The following SNTG2 variants were observed in gnomAD, a reference collection of about 807,000 sequenced individuals.
SNTG2 encodes the protein gamma-2-syntrophin.
Under a neutral mutation model 70.9 loss-of-function variants are expected in SNTG2, and 74 were observed. That is an observed-to-expected ratio of 1.04 (90% CI 0.86 to 1.27). The LOEUF is 1.27. SNTG2 is among the 50% of genes most tolerant of loss of function. The probability of loss-of-function intolerance (pLI) is 0.00; values close to 1 mark genes in which losing one functional copy is unlikely to be tolerated. For missense variants in SNTG2, 717 were observed against 690.7 expected, an observed-to-expected ratio of 1.04 and a Z score of -0.43; for synonymous variants, 278 against 273.8, an observed-to-expected ratio of 1.02 and a Z score of -0.15.
intron 14 of SNTG2, among the ~76,000 whole-genome samples, chr2:1,273,313 C>G (rs10210677): frequency 2.9e-5 from 3 of 101,830 alleles, no homozygotes; most frequent in Non-Finnish European, 5.6e-5. Context: ...AGAAATTTTT[C>G]TGATAATTTC....
At position 1,154,908 on chromosome 2, in the gene SNTG2, T is replaced by C. The variant is rs138635486; in HGVS notation, c.412-10640T>C. On this transcript the variant is annotated intron_variant, in intron 6 of 16. Coordinates refer to ENST00000308624, the MANE Select transcript of SNTG2 (RefSeq NM_018968.4). ...CACACACACAAAGACACATACCACATACACACACACAACACAAAAACATAC... is the reference window on the plus strand; with the variant it reads ...CACACACACAAAGACACATACCACACACACACACACAACACAAAAACATAC... 2.2e-3 allele frequency among the ~76,000 whole-genome samples: 317 copies of C among 140,998 alleles called. 1 individual carries two copies. Among genetic ancestry groups the C allele is most frequent in the Middle Eastern group, 0.012 (3 of 256 alleles). 92.5% of individuals were successfully genotyped at this position (140,998 alleles called of 152,430 possible).
chr2:1,240,885 C>A (rs1438021870), intron 11 of SNTG2, among the ~76,000 whole-genome samples: 1 of 152,082 alleles, frequency 6.6e-6, no homozygotes, highest in African/African-American at 2.4e-5. Context: ...TCTATAAATT[C>A]TTCAAATTAA....
chr2:1,003,608 C>T (rs970595830), intron 1 of SNTG2, among the ~76,000 whole-genome samples: 1 of 152,132 alleles, frequency 6.6e-6, no homozygotes, highest in Non-Finnish European at 1.5e-5. Context: ...TCTGTCTTAC[C>T]TTGGGTGCAT....
At chr2:1,155,215 C>T (rs1029276046) in intron 6 of SNTG2, among the ~76,000 whole-genome samples, 1 of 146,374 alleles carries the variant, frequency 6.8e-6, no homozygotes, top group Non-Finnish European at 1.5e-5. Flanking sequence ...CCACACCACA[C>T]ACATAAACAC....
chr2:1,218,551 G>GC (rs1252207057), intron 9 of SNTG2, among the ~76,000 whole-genome samples: 2 of 152,242 alleles, frequency 1.3e-5, no homozygotes, highest in Non-Finnish European at 2.9e-5. Flanking sequence ...CCAGGCTCCT[G>GC]CCCATAGCAT....
At chr2:1,348,152 C>A (rs534421924) in intron 16 of SNTG2, among the ~76,000 whole-genome samples, 3 of 152,290 alleles carry the variant, frequency 2.0e-5, no homozygotes, top group South Asian at 4.1e-4. Flanking sequence ...AGCCACTGGA[C>A]CCTGCCTGGA....
chr2:1,019,442 G>C (rs560594432), intron 1 of SNTG2, among the ~76,000 whole-genome samples: 64 of 152,148 alleles, frequency 4.2e-4, no homozygotes, highest in Non-Finnish European at 6.2e-4. Flanking sequence ...CTGAGTGAGT[G>C]TTGTGGGAAG....
At chr2:1,210,097 C>T (rs2147995096) in intron 9 of SNTG2, among the ~76,000 whole-genome samples, 1 of 152,260 alleles carries the variant, frequency 6.6e-6, no homozygotes, top group East Asian at 1.9e-4. Flanking sequence ...GCAAACATTG[C>T]TTTTCATGAA....
intron 12 of SNTG2, among the ~76,000 whole-genome samples, chr2:1,254,478 A>G (rs759749517): frequency 3.9e-5 from 6 of 152,190 alleles, no homozygotes; most frequent in Non-Finnish European, 1.5e-5. Flanking sequence ...TTAATATATC[A>G]ATGATGTAGC....
At position 1,097,417 on chromosome 2, in the gene SNTG2, T is replaced by C. The variant is rs1665465280; in HGVS notation, c.211-779T>C. Among the ~76,000 whole-genome samples, 1 of 152,204 alleles carries C rather than the reference T, an allele frequency of 6.6e-6. No individual in the cohort carries two copies. Among genetic ancestry groups the C allele is most frequent in the African/African-American group, 2.4e-5 (1 of 41,458 alleles). The stretch of plus-strand genomic sequence containing the variant: ...AAAGAATGTCTGTCACTTCTGTTTT[T>C]CCTGTAGTGTATTTTTGAGGTAAAA... On this transcript the variant is annotated intron_variant, in intron 2 of 16. Transcript: ENST00000308624. The surrounding 1 kb of genome is among the most constrained non-coding windows in gnomAD (Gnocchi z 4.1).
chr2:1,219,795 T>C (rs1674633477), intron 9 of SNTG2: 1 of 151,926 alleles, frequency 6.6e-6, no homozygotes, highest in African/African-American at 2.4e-5. Flanking sequence ...AGCTTAGGGG[T>C]CTTTTTGCCC....
At chr2:1,298,690 G>A (rs973974441) in intron 14 of SNTG2, among the ~76,000 whole-genome samples, 1 of 152,172 alleles carries the variant, frequency 6.6e-6, no homozygotes, top group African/African-American at 2.4e-5. Flanking sequence ...TGTGATGGTT[G>A]ATACTGAGTG....
At chr2:971,497 A>G (rs1018551741) in intron 1 of SNTG2, among the ~76,000 whole-genome samples, 4 of 151,736 alleles carry the variant, frequency 2.6e-5, no homozygotes, top group Non-Finnish European at 4.4e-5. Context: ...GGTCAGTGGT[A>G]ATGTCTTTTT....
At chr2:1,067,756 A>G (rs1376785955) in intron 1 of SNTG2, among the ~76,000 whole-genome samples, 1 of 152,180 alleles carries the variant, frequency 6.6e-6, no homozygotes, top group African/African-American at 2.4e-5. Context: ...TATTTTTCAG[A>G]TGGAGAAACC....
chr2:1,132,195 GTGTGTATATATA>G (rs766431610), intron 4 of SNTG2, among the ~76,000 whole-genome samples: 146 of 151,668 alleles, frequency 9.6e-4, no homozygotes, highest in African/African-American at 1.8e-3. Flanking sequence ...ATATATATGT[GTGTGTATATATA>G]TGTGTATATA....
chr2:1,181,807 T>C (rs1200757709), intron 8 of SNTG2, among the ~76,000 whole-genome samples: 2 of 152,218 alleles, frequency 1.3e-5, no homozygotes, highest in Non-Finnish European at 2.9e-5. Flanking sequence ...CACATATCCT[T>C]TCCCAGCACC....
intron 11 of SNTG2, among the ~76,000 whole-genome samples, chr2:1,245,622 T>C (rs1293011409): frequency 3.3e-5 from 5 of 152,250 alleles, no homozygotes; most frequent in African/African-American, 1.2e-4. Flanking sequence ...AGATGCATTT[T>C]TAAATGGAGG....
At chr2:1,267,237 C>A in intron 13 of SNTG2, 128 bp from the exon 14 acceptor site, 2 of 804,286 alleles carry the variant, frequency 2.5e-6, no homozygotes, top group South Asian at 3.5e-5. Flanking sequence ...CTGAATTTGC[C>A]TCCTTGTCTG....
intron 16 of SNTG2, among the ~76,000 whole-genome samples, chr2:1,358,607 C>A (rs1660977250): frequency 6.6e-6 from 1 of 152,054 alleles, no homozygotes; most frequent in African/African-American, 2.4e-5. Context: ...CTTCTTTGAT[C>A]CATTCGTTCC....
Sources: gnomAD v4.1 joint callset for allele counts (sites outside exome capture counted in the v4.1 genomes callset) on GRCh38, gnomAD v4.1.1 for gene constraint, Gnocchi (gnomAD v3.1) non-coding constraint, MANE v1.5 for transcripts, NCBI Gene and HGNC (gene_info 2026-07-23, HGNC 2026-07-21) for gene names.